SUMF1: variants seen among roughly 807,000 people sequenced by gnomAD.
SUMF1 encodes formylglycine-generating enzyme.
In SUMF1, 48 loss-of-function variants were observed where a neutral mutation model predicts 47.6. The observed-to-expected ratio is 1.01, with a 90% CI of 0.80 to 1.28. The LOEUF (loss-of-function observed/expected upper bound fraction) is 1.28. SUMF1 is among the 50% of genes most tolerant of loss of function. SUMF1 has a pLI of 0.00. For missense variants in SUMF1, 571 were observed against 485.4 expected (o/e 1.18, Z -1.66); for synonymous variants, 230 against 192.1 (o/e 1.20, Z -1.63).
chr3:4,360,205 C>CT (rs57690047), downstream of SUMF1, among the ~76,000 whole-genome samples: 3,425 of 104,044 alleles, frequency 0.033, 154 homozygotes, highest in African/African-American at 0.052. Flanking sequence ...AATGTTTGTT[C>CT]TTTTTTTTTT....
chr3:4,261,392 C>T (rs956421253), intron 8 of SUMF1, among the ~76,000 whole-genome samples: 2 of 152,140 alleles, frequency 1.3e-5, no homozygotes, highest in Non-Finnish European at 2.9e-5. Flanking sequence ...TATATGAAAT[C>T]GGTCTACCTT....
intron 8 of SUMF1, among the ~76,000 whole-genome samples, chr3:4,369,164 A>G (rs1700089898): frequency 6.6e-6 from 1 of 152,202 alleles, no homozygotes; most frequent in Non-Finnish European, 1.5e-5. Context: ...TACTGTAAAA[A>G]TAAAGACAGT....
At chr3:4,049,640 G>A (rs547095899) in intron 9 of SUMF1, among the ~76,000 whole-genome samples, 1 of 152,230 alleles carries the variant, frequency 6.6e-6, no homozygotes, top group Admixed American at 6.5e-5. Flanking sequence ...CAGCATTCAG[G>A]GTTGAGAGCC....
intron 8 of SUMF1, among the ~76,000 whole-genome samples, chr3:4,082,971 T>C (rs1281507832): frequency 1.3e-5 from 2 of 152,138 alleles, no homozygotes; most frequent in Non-Finnish European, 2.9e-5. Flanking sequence ...TGACAGAGGT[T>C]CATATTTAAA....
Position 4,387,694 on chromosome 3 carries a change from T to C in SUMF1, c.955-11305A>G, listed in dbSNP as rs781337543. 5.3e-4 allele frequency among the ~76,000 whole-genome samples: 80 copies of C among 152,024 alleles called. 2 individuals are homozygous for C. Among genetic ancestry groups the C allele is most frequent in the Non-Finnish European group, 5.9e-5 (4 of 67,904 alleles). On this transcript the variant is annotated intron_variant, in intron 7 of 8. Transcript: ENST00000272902. ...ATATTGATTTTAGACTTTTTCTCTT[T>C]TCTAATGCACACATGCAGTTCTGCA...
rs112431123 is a variant in SUMF1 at position 4,108,387 on chromosome 3, A to G, written c.1015-39642T>C. On this transcript the variant is annotated intron_variant and NMD_transcript_variant, in intron 8 of 12. Transcript: ENST00000448413. ...ATAAGCGCAGTGTGGTGCTGAGAAG[A>G]ATGTATATTCTGTTGATTTGGGGTG... Among the ~76,000 whole-genome samples, 622 of 152,212 alleles carry G rather than the reference A, an allele frequency of 4.1e-3. 9 individuals are homozygous for G. The highest frequency in any genetic ancestry group is 0.014 in the African/African-American group (588 of 41,490).
intron 8 of SUMF1, among the ~76,000 whole-genome samples, chr3:4,110,869 G>A (rs1423760741): frequency 2.0e-5 from 3 of 149,146 alleles, no homozygotes; most frequent in Middle Eastern, 3.4e-3. Flanking sequence ...GGGAGGGATA[G>A]CACTAGGAGA....
chr3:4,313,814 G>C (rs1698526076), intron 8 of SUMF1: 1 of 1,605,670 alleles, frequency 6.2e-7, no homozygotes. Flanking sequence ...GGAAGACAGT[G>C]GTTGGCTAGC....
intron 8 of SUMF1, among the ~76,000 whole-genome samples, chr3:4,171,788 T>C (rs1694838300): frequency 6.6e-6 from 1 of 152,052 alleles, no homozygotes; most frequent in Non-Finnish European, 1.5e-5. Context: ...GAACAGCATG[T>C]TCAGAGGTAA....
chr3:4,451,811 G>C (rs1261084935), intron 2 of SUMF1, among the ~76,000 whole-genome samples: 1 of 152,098 alleles, frequency 6.6e-6, no homozygotes, highest in African/African-American at 2.4e-5. Context: ...AGCCTCCCAA[G>C]TAGCTGGGAC....
Position 4,399,273 on chromosome 3 carries a change from G to C in SUMF1, c.954+11592C>G, listed in dbSNP as rs1008384618. On this transcript the variant is annotated intron_variant, in intron 7 of 8. Transcript: ENST00000272902. Reference sequence around the variant, plus strand: ...AGGACTATATTATACAGGGATGCAGGGTCTGAGGCATATATCTTCTTTTAA... The same window carrying C: ...AGGACTATATTATACAGGGATGCAGCGTCTGAGGCATATATCTTCTTTTAA... Among the ~76,000 whole-genome samples the C allele has an allele frequency of 3.3e-5, 5 of 152,162 alleles. No individual in the cohort carries two copies. In the South Asian group the frequency reaches 1.0e-3, roughly 32 times the overall value.
At chr3:4,036,467 C>T (rs1340925843) in intron 9 of SUMF1, among the ~76,000 whole-genome samples, 2 of 151,616 alleles carry the variant, frequency 1.3e-5, no homozygotes, top group Admixed American at 1.3e-4. Flanking sequence ...GGGCAGAGGC[C>T]AAAAAGAAAA....
chr3:4,337,667 A>G (rs1352065234), intron 8 of SUMF1, among the ~76,000 whole-genome samples: 1 of 152,190 alleles, frequency 6.6e-6, no homozygotes, highest in Non-Finnish European at 1.5e-5. Context: ...GCATTTGTGC[A>G]TAGTAGGTGG....
intron 9 of SUMF1, among the ~76,000 whole-genome samples, chr3:4,038,322 G>A (rs1694840510): frequency 2.0e-5 from 3 of 152,138 alleles, no homozygotes; most frequent in Admixed American, 6.5e-5. Context: ...CTTGGTGATG[G>A]GTGATGGGGT....
chr3:4,286,618 A>G (rs555495387), intron 8 of SUMF1, among the ~76,000 whole-genome samples: 4 of 152,184 alleles, frequency 2.6e-5, no homozygotes, highest in Non-Finnish European at 5.9e-5. Context: ...TGATTCCAAG[A>G]GAAAATGCAA....
chr3:4,241,497 C>T (rs547064787), intron 8 of SUMF1, among the ~76,000 whole-genome samples: 25 of 152,262 alleles, frequency 1.6e-4, no homozygotes, highest in Admixed American at 9.2e-4. Context: ...GTTATCTCAT[C>T]TGTTCATAAT....
At chr3:4,385,156 G>A (rs1700632064) in intron 7 of SUMF1, among the ~76,000 whole-genome samples, 1 of 152,114 alleles carries the variant, frequency 6.6e-6, no homozygotes, top group Admixed American at 6.5e-5. Flanking sequence ...AAAGTGCTAG[G>A]ATTACAGGAG....
intron 3 of SUMF1, among the ~76,000 whole-genome samples, chr3:4,435,080 C>T (rs187802975): frequency 2.6e-4 from 39 of 152,248 alleles, no homozygotes; most frequent in Non-Finnish European, 4.6e-4. Flanking sequence ...GGCTGCACCA[C>T]CACACCCGGC....
intron 8 of SUMF1, among the ~76,000 whole-genome samples, chr3:4,142,198 T>A (rs910534918): frequency 1.3e-5 from 2 of 152,124 alleles, no homozygotes; most frequent in African/African-American, 4.8e-5. Flanking sequence ...GCTTTATTTT[T>A]CTCTATTGTT....
Sources: allele counts gnomAD v4.1 joint callset (sites outside exome capture counted in the v4.1 genomes callset), GRCh38; gene constraint gnomAD v4.1.1; transcripts MANE v1.5; gene names NCBI Gene and HGNC (gene_info 2026-07-23, HGNC 2026-07-21).